Variants in DUOX2 observed in about 807,000 individuals in gnomAD.
The protein encoded by DUOX2 is dual oxidase 2.
DUOX2 carries 185 observed loss-of-function variants against 183.3 expected under a neutral mutation model. That is an observed-to-expected ratio of 1.01 (90% confidence interval 0.90 to 1.14). DUOX2 has a LOEUF of 1.14. Ranked by LOEUF, DUOX2 falls within the 50% of genes most tolerant of loss-of-function variation. DUOX2 has a pLI of 0.00. For synonymous variants in DUOX2, 788 were observed against 812.4 expected (o/e 0.97, Z 0.51); for missense variants, 1,999 against 2,022.9 (o/e 0.99, Z 0.23).
At chr15:45,101,479 G>A in intron 21 of DUOX2, 3 of 647,010 alleles carry the variant, frequency 4.6e-6, no homozygotes, top group Admixed American at 4.7e-5. Context: ...ATCCTCTTAG[G>A]TGGATGCAAC....
chr15:45,109,053 G>A (rs930215814), intron 11 of DUOX2, 101 bp from the exon 12 acceptor site: 2 of 1,458,956 alleles, frequency 1.4e-6, no homozygotes, highest in Non-Finnish European at 1.9e-6. Context: ...CTTCCCTCCT[G>A]GCTACCCCCA....
At chr15:45,110,784 C>T (rs1894370583) in intron 7 of DUOX2, 74 bp from the exon 8 acceptor site, 6 of 1,607,330 alleles carry the variant, frequency 3.7e-6, no homozygotes, top group East Asian at 4.5e-5. Context: ...AGCCCAAGGA[C>T]GGCTTCCGTG....
chr15:45,109,698 G>C, intron 10 of DUOX2, 72 bp from the exon 11 acceptor site: 1 of 1,512,114 alleles, frequency 6.6e-7, no homozygotes, highest in East Asian at 2.3e-5. Flanking sequence ...GACCACTTTA[G>C]TACCCCAGGA....
intron 11 of DUOX2, 122 bp downstream of exon 11, chr15:45,109,402 A>G: frequency 1.2e-6 from 1 of 804,504 alleles, no homozygotes; most frequent in Non-Finnish European, 2.1e-6. Context: ...TGGCTCCTTG[A>G]AGTCTGTGTT....
intron 4 of DUOX2, 151 bp downstream of exon 4, chr15:45,112,403 C>G (rs1228843921): frequency 2.1e-6 from 2 of 960,634 alleles, no homozygotes; most frequent in Non-Finnish European, 3.1e-6. Flanking sequence ...CAAAATCTCT[C>G]CGAGATGAAG....
chr15:45,099,592 C>T (rs1894008699), intron 25 of DUOX2, 70 bp downstream of exon 25: 2 of 1,593,986 alleles, frequency 1.3e-6, no homozygotes, highest in Non-Finnish European at 1.7e-6. Context: ...GGAGTTCCAT[C>T]TCCCCACTGT....
rs1187085269 is a variant in DUOX2, at chr15:45,099,649, G to T, written c.3415+13C>A. On this transcript the variant is annotated intron_variant, in intron 25 of 33. Coordinates refer to ENST00000389039, the MANE Select transcript of DUOX2 (RefSeq NM_001363711.2). ...TGCTGCAGCAAAGAGGAAGAAGCCT[G>T]GGAGTCACGTACTGGCCAGGACAAC... 1.2e-6 allele frequency: 2 copies of T among 1,613,948 alleles called. No individual in the cohort carries two copies. The highest frequency in any genetic ancestry group is 2.2e-5 in the South Asian group (2 of 91,064).
chr15:45,107,425 G>T lies in DUOX2; in HGVS notation c.1613C>A (p.Thr538Asn). 6.2e-7 allele frequency: 1 copy of T among 1,614,242 alleles called. No homozygotes were observed. The highest frequency in any genetic ancestry group is 8.5e-7 in the Non-Finnish European group (1 of 1,180,046). ...SKKEIEDIRNTTLRDVLVAVI... is the reference protein window; with the variant it reads ...SKKEIEDIRNNTLRDVLVAVI... Reference sequence around the variant, plus strand: ...AGCGACCAGCACGTCCCGCAGGGTGGTATTTCGGATGTCTTCAATCTCCTT... The same window carrying T: ...AGCGACCAGCACGTCCCGCAGGGTGTTATTTCGGATGTCTTCAATCTCCTT... The change falls in exon 14 of 34, where the codon ACC becomes AAC. Residue 538 changes from threonine to asparagine, a missense_variant. Physicochemically the swap from Thr to Asn is moderately conservative, Grantham distance 65. Coordinates refer to ENST00000389039, the MANE Select transcript of DUOX2 (RefSeq NM_001363711.2).
At chr15:45,109,396 TC>T in intron 11 of DUOX2, 127 bp downstream of exon 11, 1 of 774,682 alleles carries the variant, frequency 1.3e-6, no homozygotes. Flanking sequence ...TTCTTATGGC[TC>T]CTTGAAGTCT....
rs1893879320 is a variant in DUOX2 at position 45,095,573 on chromosome 15, C to A, written c.4103G>T (p.Gly1368Val). 1.2e-6 allele frequency: 2 copies of A among 1,614,206 alleles called. No homozygotes were observed. The highest frequency in any genetic ancestry group is 2.7e-5 in the African/African-American group (2 of 75,058). The change falls in exon 31 of 34, where the codon GGA (glycine) becomes GTA (valine). Residue 1368 changes from glycine (G) to valine (V), a missense_variant. Around this residue, in one of 3 missense-constraint regions of DUOX2, gnomAD observed 1,628 missense variants for 1,608.6 expected, o/e 1.01. Coordinates refer to ENST00000389039, the MANE Select transcript of DUOX2 (RefSeq NM_001363711.2). ...TTTATGCCACTCCTGATGGCCCTCTCCAAACGGTCCATCAAGGTACAGCTG... is the reference window on the plus strand; with the variant it reads ...TTTATGCCACTCCTGATGGCCCTCTACAAACGGTCCATCAAGGTACAGCTG... Reference protein sequence around the residue: ...YPKLYLDGPFGEGHQEWHKFE... With the variant: ...YPKLYLDGPFVEGHQEWHKFE...
Position 45,094,021 on chromosome 15 carries a change from A to T in DUOX2, c.*129T>A. The T allele has an allele frequency of 8.1e-7, 1 of 1,227,404 alleles. No individual in the cohort carries two copies. The highest frequency in any genetic ancestry group is 1.2e-6 in the Non-Finnish European group (1 of 836,954). The allele number at this position is 1,227,404 out of a possible 1,614,324, so 76.0% of individuals were successfully genotyped here. A position where few individuals can be genotyped will look rare whatever the true frequency, so the allele number is the denominator to read the frequency against. On this transcript the variant is annotated 3_prime_UTR_variant, in exon 34 of 34. Coordinates refer to ENST00000389039, the MANE Select transcript of DUOX2 (RefSeq NM_001363711.2). ...GGGTCAATATTCTCCCAATATTGGG[A>T]GGGGCTCTGCAGCCCTCCAGCTGAG...
At position 45,111,802 on chromosome 15, in the gene DUOX2, TCGGGGTCC is replaced by T; in HGVS notation, c.471_478del (p.Trp157Ter). The T allele has an allele frequency of 1.2e-6, 2 of 1,611,986 alleles. No individual in the cohort carries two copies. The highest frequency in any genetic ancestry group is 4.5e-5 in the East Asian group (2 of 44,812). ...GGGGTTGCTGGGACTCCGTCCGGTC[TCGGGGTCC>T]CAGCGGCTCCTCTGGAAGGGCAGCA... is the stretch of plus-strand genomic sequence containing the variant. On this transcript the variant is annotated stop_gained and frameshift_variant, in exon 5 of 34. Transcript: ENST00000389039. LOFTEE classifies it high-confidence loss of function.
intron 26 of DUOX2, chr15:45,099,151 C>T (rs1893986301): frequency 9.6e-6 from 4 of 417,426 alleles, no homozygotes; most frequent in Non-Finnish European, 1.4e-5. Flanking sequence ...GCTGGGATTA[C>T]AGGCGCCCAC....
chr15:45,106,854 A>G lies in DUOX2; in HGVS notation c.1809T>C (p.Ile603=), dbSNP rs765810131. The G allele has an allele frequency of 6.3e-7, 1 of 1,592,798 alleles. No individual in the cohort carries two copies. Among genetic ancestry groups the G allele is most frequent in the Non-Finnish European group, 8.5e-7 (1 of 1,170,468 alleles). ...CACCTAAGGGAAGGCAGCAGAGAGC[A>G]ATGATGGTGATGGCAAAACCAGGGC... ...GSSPGFAITI[I]ALCCLPLVSL... The change falls in exon 15 of 34, where the codon ATT becomes ATC. Residue 603 remains isoleucine, a synonymous_variant. Transcript: ENST00000389039.
intron 24 of DUOX2, 48 bp from the exon 25 acceptor site, chr15:45,099,940 C>T: frequency 6.2e-7 from 1 of 1,612,296 alleles, no homozygotes; most frequent in Non-Finnish European, 8.5e-7. Context: ...TGGCCAAGGT[C>T]CCGAGCCCTG....
chr15:45,109,059 C>A (rs1894309442), intron 11 of DUOX2, 107 bp from the exon 12 acceptor site: 4 of 1,385,890 alleles, frequency 2.9e-6, no homozygotes, highest in South Asian at 1.2e-5. Context: ...TCCTGGCTAC[C>A]CCCAGTGATC....
chr15:45,106,853 C>T lies in DUOX2; in HGVS notation c.1810G>A (p.Ala604Thr). 1 of 1,592,916 alleles carries T rather than the reference C, an allele frequency of 6.3e-7. No homozygotes were observed. Among genetic ancestry groups the T allele is most frequent in the East Asian group, 2.3e-5 (1 of 44,304 alleles). Residue 604 changes from alanine (A) to threonine (T), a missense_variant, in exon 15 of 34, where the codon GCT becomes ACT. Transcript: ENST00000389039. ...SSPGFAITII[A>T]LCCLPLVSLL... The stretch of plus-strand genomic sequence containing the variant: ...TCACCTAAGGGAAGGCAGCAGAGAG[C>T]AATGATGGTGATGGCAAAACCAGGG...
rs780809175 is a variant in DUOX2 at position 45,094,076 on chromosome 15, C to T, written c.*74G>A. The stretch of plus-strand genomic sequence containing the variant: ...AAGGTGGATTCTGATGGAGAGATTG[C>T]CAGCAGGGCTGGGCAACTTAGGTGC... On this transcript the variant is annotated 3_prime_UTR_variant, in exon 34 of 34. Coordinates refer to ENST00000389039, the MANE Select transcript of DUOX2 (RefSeq NM_001363711.2). 3.7e-5 allele frequency: 59 copies of T among 1,609,652 alleles called. No homozygotes were observed. Among genetic ancestry groups the T allele is most frequent in the Non-Finnish European group, 4.9e-5 (58 of 1,176,628 alleles).
chr15:45,110,811 A>G (rs181905124), intron 7 of DUOX2, 101 bp from the exon 8 acceptor site: 16 of 1,573,950 alleles, frequency 1.0e-5, no homozygotes, highest in African/African-American at 1.3e-5. Context: ...TGAGACCAGG[A>G]AGGGTCAATC....
Sources: gnomAD v4.1 joint callset for allele counts on GRCh38, gnomAD v4.1.1 for gene constraint, gnomAD v4.1.1 regional missense constraint, MANE v1.5 for transcripts, NCBI Gene and HGNC (gene_info 2026-07-23, HGNC 2026-07-21) for gene names.